MED12L: variants seen among roughly 807,000 people sequenced by gnomAD.
The protein encoded by MED12L is mediator of RNA polymerase II transcription subunit 12-like protein.
In MED12L, 60 loss-of-function variants were observed where a neutral mutation model predicts 281.3. The observed-to-expected ratio is 0.21, with a 90% CI of 0.17 to 0.26. The LOEUF (loss-of-function observed/expected upper bound fraction) is 0.26. MED12L is among the 10% of genes least tolerant of loss of function. The probability of loss-of-function intolerance (pLI) is 1.00; values close to 1 mark genes in which losing one functional copy is unlikely to be tolerated. For missense variants in MED12L, 2,146 were observed against 2,680.9 expected (o/e 0.80, Z 4.41); for synonymous variants, 974 against 987.2 (o/e 0.99, Z 0.25).
intron 43 of MED12L, among the ~76,000 whole-genome samples, chr3:151,422,000 C>A (rs1718303264): frequency 6.6e-6 from 1 of 152,124 alleles, no homozygotes. Flanking sequence ...CCTGACTTGT[C>A]CTGCTGCTAT....
intron 4 of MED12L, among the ~76,000 whole-genome samples, chr3:151,124,128 A>G (rs1431490727): frequency 2.6e-5 from 4 of 152,240 alleles, no homozygotes; most frequent in Admixed American, 1.3e-4. Context: ...GTTGACTAAC[A>G]GTTCATACTT....
Position 151,116,405 on chromosome 3 carries a change from A to G in MED12L, c.167A>G (p.His56Arg). 6.2e-7 allele frequency: 1 copy of G among 1,613,410 alleles called. No individual in the cohort carries two copies. Among genetic ancestry groups the G allele is most frequent in the Non-Finnish European group, 8.5e-7 (1 of 1,179,524 alleles). ...CAGCCAGCCTTCACTGGAGATGAAC[A>G]TGGCTCAGCCAGAAATATTGTAATT... is the stretch of plus-strand genomic sequence containing the variant. ...NNQPAFTGDE[H>R]GSARNIVINP... is the part of the protein sequence containing the mutation. The change falls in exon 3 of 45, where the codon CAT (histidine) becomes CGT (arginine). Residue 56 changes from histidine (H) to arginine (R), a missense_variant. Physicochemically the swap from His to Arg is conservative, Grantham distance 29. Transcript: ENST00000687756.
intron 31 of MED12L, 143 bp downstream of exon 31, chr3:151,378,316 A>C: frequency 2.3e-6 from 2 of 858,070 alleles, no homozygotes; most frequent in Non-Finnish European, 3.3e-6. Flanking sequence ...CTATTAGGCA[A>C]GGCTGTCTTA....
intron 43 of MED12L, among the ~76,000 whole-genome samples, chr3:151,422,819 CT>C (rs34923048): frequency 0.11 from 14,971 of 130,890 alleles, 1,005 homozygotes; most frequent in East Asian, 0.38. Flanking sequence ...TGATTCATTG[CT>C]TTTTTTTTTT....
Position 151,394,677 on chromosome 3 carries a change from C to A in MED12L, c.5630C>A (p.Ala1877Glu), listed in dbSNP as rs1391714481. The change falls in exon 39 of 45, where the codon GCA (alanine) becomes GAA (glutamate). Residue 1877 changes from alanine (A) to glutamate (E), a missense_variant. Physicochemically the swap from Ala to Glu is moderately radical, Grantham distance 107. This residue lies in a region of MED12L where 496 missense variants were observed against 512.0 expected (regional missense o/e 0.97). Transcript: ENST00000687756. ...GTAGGTGGCTCCAGATTGGACCCTGCAGGCTCCTTTGTCCCAACCAACACC... is the reference window on the plus strand; with the variant it reads ...GTAGGTGGCTCCAGATTGGACCCTGAAGGCTCCTTTGTCCCAACCAACACC... ...LTPGGSRLDP[A>E]GSFVPTNTKQ... 1 of 1,614,142 alleles carries A rather than the reference C, an allele frequency of 6.2e-7. No individual in the cohort carries two copies. The highest frequency in any genetic ancestry group is 8.5e-7 in the Non-Finnish European group (1 of 1,180,036).
intron 16 of MED12L, among the ~76,000 whole-genome samples, chr3:151,298,004 CA>C (rs76161836): frequency 0.047 from 7,174 of 152,024 alleles, 183 homozygotes; most frequent in East Asian, 0.12. Flanking sequence ...GTAGTAGAGA[CA>C]AAAAATGGTT....
At chr3:151,198,583 C>T (rs1725031148) in intron 16 of MED12L, 1 of 1,613,920 alleles carries the variant, frequency 6.2e-7, no homozygotes, top group Admixed American at 1.7e-5. Context: ...GCAGTGTAGC[C>T]TCTTTGGCTT....
intron 11 of MED12L, among the ~76,000 whole-genome samples, chr3:151,176,358 T>C (rs886396832): frequency 2.0e-5 from 3 of 149,694 alleles, no homozygotes; most frequent in African/African-American, 7.6e-5. Flanking sequence ...AGTTATGTTG[T>C]GGCAAGAGGT....
In MED12L at chr3:151,390,095, G is replaced by T; in HGVS notation, c.5568G>T (p.Gln1856His). Residue 1856 changes from glutamine (Q) to histidine (H), a missense_variant, in exon 38 of 45, where the codon CAG (glutamine) becomes CAT (histidine). Around this residue, in one of 9 missense-constraint regions of MED12L, gnomAD observed 496 missense variants for 512.0 expected, o/e 0.97. Coordinates refer to ENST00000687756, the MANE Select transcript of MED12L (RefSeq NM_001393769.1). ...LWGYNLVGQP[Q>H]QPGFFLQNQS... ...GTTACAACCTCGTGGGCCAGCCCCA[G>T]CAGCCCGGCTTTTTCCTTCAGAACC... 6.2e-7 allele frequency: 1 copy of T among 1,614,124 alleles called. No homozygotes were observed. The highest frequency in any genetic ancestry group is 1.3e-5 in the African/African-American group (1 of 75,040).
intron 31 of MED12L, among the ~76,000 whole-genome samples, chr3:151,378,882 A>G (rs907654562): frequency 2.0e-5 from 3 of 152,068 alleles, no homozygotes; most frequent in South Asian, 2.1e-4. Flanking sequence ...CAGAATGGCA[A>G]CTCCTCTCTA....
chr3:151,213,535 G>A (rs147553856), intron 16 of MED12L: 7 of 1,614,028 alleles, frequency 4.3e-6, no homozygotes, highest in Non-Finnish European at 5.9e-6. Flanking sequence ...ATGAGCTTCG[G>A]TCTGACTCTT....
intron 43 of MED12L, among the ~76,000 whole-genome samples, chr3:151,417,487 C>CCCT (rs1717736742): frequency 1.2e-3 from 96 of 78,814 alleles, no homozygotes; most frequent in South Asian, 2.3e-3. Context: ...CCCCCCCCGC[C>CCCT]TTTTTTTTTT....
At chr3:151,328,888 C>T in intron 16 of MED12L, 1 of 1,613,994 alleles carries the variant, frequency 6.2e-7, no homozygotes, top group Non-Finnish European at 8.5e-7. Context: ...GGATGCCGGT[C>T]AAGAAAACCA....
intron 2 of MED12L, among the ~76,000 whole-genome samples, chr3:151,089,637 G>T (rs1719759731): frequency 6.6e-6 from 1 of 150,402 alleles, no homozygotes; most frequent in African/African-American, 2.5e-5. Flanking sequence ...AGAAGGTAGG[G>T]TGGAACCCAT....
At chr3:151,268,129 C>T (rs1210820899) in intron 16 of MED12L, among the ~76,000 whole-genome samples, 1 of 152,064 alleles carries the variant, frequency 6.6e-6, no homozygotes, top group Non-Finnish European at 1.5e-5. Flanking sequence ...TTTCAGCTTA[C>T]ATGTTTTCAA....
At position 151,368,143 on chromosome 3, in the gene MED12L, T is replaced by C. The variant is rs1348919584; in HGVS notation, c.3449-7T>C. 1 of 1,612,596 alleles carries C rather than the reference T, an allele frequency of 6.2e-7. No homozygotes were observed. The highest frequency in any genetic ancestry group is 8.5e-7 in the Non-Finnish European group (1 of 1,178,712). On this transcript the variant is annotated splice_region_variant and splice_polypyrimidine_tract_variant and intron_variant, in intron 24 of 44. Coordinates refer to ENST00000687756, the MANE Select transcript of MED12L (RefSeq NM_001393769.1). ...GAAAACTTGCTTTTCCAATCCCCCT[T>C]TCCTAGCTTGTGGGGATGCGGACGC...
chr3:151,117,690 A>G (rs1713041363), intron 3 of MED12L, among the ~76,000 whole-genome samples: 1 of 147,788 alleles, frequency 6.8e-6, no homozygotes, highest in South Asian at 2.1e-4. Context: ...TTTTTCTACA[A>G]TACTTTTTGC....
intron 2 of MED12L, among the ~76,000 whole-genome samples, chr3:151,112,423 A>G (rs1218549103): frequency 1.3e-5 from 2 of 151,756 alleles, no homozygotes; most frequent in Non-Finnish European, 2.9e-5. Context: ...TCAAAGTCTA[A>G]TGTGTCCATG....
intron 5 of MED12L, among the ~76,000 whole-genome samples, chr3:151,144,610 T>G (rs943575788): frequency 6.6e-6 from 1 of 152,248 alleles, no homozygotes; most frequent in African/African-American, 2.4e-5. Flanking sequence ...GACACACAAC[T>G]GGGCAAGTAT....
Sources: allele counts gnomAD v4.1 joint callset (sites outside exome capture counted in the v4.1 genomes callset), GRCh38; gene constraint gnomAD v4.1.1; regional missense constraint gnomAD v4.1.1; transcripts MANE v1.5; gene names NCBI Gene and HGNC (gene_info 2026-07-23, HGNC 2026-07-21).